Variants in SORCS3 observed in about 807,000 individuals in gnomAD.
The protein encoded by SORCS3 is VPS10 domain-containing receptor SorCS3.
A neutral mutation model predicts 146.3 loss-of-function variants in SORCS3; 57 were observed. The observed-to-expected ratio is 0.39, with a 90% CI of 0.31 to 0.49. The LOEUF is 0.49. SORCS3 is among the 20% of genes least tolerant of loss of function. SORCS3 has a pLI of 0.92. For synonymous variants in SORCS3, 653 were observed against 618.5 expected (o/e 1.06, Z -0.83); for missense variants, 1,341 against 1,575.5 (o/e 0.85, Z 2.52).
intron 5 of SORCS3, among the ~76,000 whole-genome samples, chr10:105,068,720 A>G (rs1161421060): frequency 6.6e-6 from 1 of 152,228 alleles, no homozygotes; most frequent in Non-Finnish European, 1.5e-5. Context: ...TTGATGAGTT[A>G]TCACCCTCAT....
intron 1 of SORCS3, among the ~76,000 whole-genome samples, chr10:104,819,817 A>G (rs923022205): frequency 2.0e-5 from 3 of 152,210 alleles, no homozygotes; most frequent in Admixed American, 6.5e-5. Flanking sequence ...AACAGCTGAG[A>G]TGTGGAACTC....
chr10:104,696,376 A>G (rs768088401), intron 1 of SORCS3, among the ~76,000 whole-genome samples: 3 of 78,230 alleles, frequency 3.8e-5, no homozygotes, highest in African/African-American at 1.5e-4. Flanking sequence ...TATAGTATAT[A>G]ATATATATTA....
chr10:105,031,878 A>G (rs1291958666), intron 4 of SORCS3, among the ~76,000 whole-genome samples: 2 of 152,116 alleles, frequency 1.3e-5, no homozygotes, highest in Non-Finnish European at 2.9e-5. Flanking sequence ...CTTTCTCAAC[A>G]ATTCAGGTTG....
At chr10:104,858,838 G>A (rs1460058497) in intron 2 of SORCS3, among the ~76,000 whole-genome samples, 3 of 150,698 alleles carry the variant, frequency 2.0e-5, no homozygotes, top group East Asian at 3.9e-4. Flanking sequence ...AGCCAGGATG[G>A]TCTTGATCTC....
chr10:104,709,206 G>A (rs529153270), intron 1 of SORCS3, among the ~76,000 whole-genome samples: 1 of 152,280 alleles, frequency 6.6e-6, no homozygotes, highest in African/African-American at 2.4e-5. Flanking sequence ...GAAATAGTGA[G>A]GTAGAGGGGG....
At chr10:105,071,647 A>G (rs963349977) in intron 5 of SORCS3, among the ~76,000 whole-genome samples, 1 of 152,236 alleles carries the variant, frequency 6.6e-6, no homozygotes, top group South Asian at 2.1e-4. Context: ...CGATCCCGTC[A>G]AGCATTTATC....
chr10:105,184,249 C>G (rs1458119404), intron 14 of SORCS3, among the ~76,000 whole-genome samples: 1 of 152,196 alleles, frequency 6.6e-6, no homozygotes, highest in African/African-American at 2.4e-5. Flanking sequence ...CAGCCATAGA[C>G]AGTATGGAGA....
chr10:105,072,657 CTCTTTTTTTTTTTTTT>C (rs1316776322), intron 5 of SORCS3, among the ~76,000 whole-genome samples: 3 of 110,406 alleles, frequency 2.7e-5, no homozygotes, highest in Non-Finnish European at 5.4e-5. Context: ...TTCTCTCTCT[CTCTTTTTTTTTTTTTT>C]TTTTTTTTTT....
Position 104,992,829 on chromosome 10 carries a change from T to A in SORCS3, c.954+15336T>A, listed in dbSNP as rs371889993. Among the ~76,000 whole-genome samples the A allele has an allele frequency of 2.1e-3, 321 of 152,268 alleles. 2 individuals are homozygous for A. The highest frequency in any genetic ancestry group is 7.5e-3 in the African/African-American group (311 of 41,570). ...GCTTTGCCTAGACAGACTTTACCTA[T>A]GAAACCCTAACTAATCTAGGTTTTT... On this transcript the variant is annotated intron_variant, in intron 4 of 26. Transcript: ENST00000369701.
At chr10:104,645,357 A>G (rs1005413999) in intron 1 of SORCS3, among the ~76,000 whole-genome samples, 3 of 152,342 alleles carry the variant, frequency 2.0e-5, no homozygotes, top group Middle Eastern at 6.8e-3. Flanking sequence ...AAATGAAAGA[A>G]GAAGCCTCCC....
chr10:105,085,020 G>A (rs1197699655), intron 5 of SORCS3, among the ~76,000 whole-genome samples: 1 of 152,102 alleles, frequency 6.6e-6, no homozygotes, highest in East Asian at 1.9e-4. Flanking sequence ...GTGAGCCACC[G>A]CGCCCGGCCA....
intron 20 of SORCS3, among the ~76,000 whole-genome samples, chr10:105,226,638 T>C (rs935564771): frequency 2.0e-5 from 3 of 151,980 alleles, no homozygotes; most frequent in African/African-American, 7.2e-5. Flanking sequence ...TTGATATTAG[T>C]TCATCTTTGA....
intron 1 of SORCS3, among the ~76,000 whole-genome samples, chr10:104,643,709 GGTGTGTGTGTGTGT>G (rs3069967): frequency 5.5e-5 from 8 of 144,734 alleles, no homozygotes; most frequent in South Asian, 2.3e-4. Context: ...TGATAATTAG[GGTGTGTGTGTGTGT>G]GTGTGTGTGT....
intron 3 of SORCS3, among the ~76,000 whole-genome samples, chr10:104,936,074 T>A (rs1460309157): frequency 6.7e-6 from 1 of 149,652 alleles, no homozygotes; most frequent in East Asian, 1.9e-4. Flanking sequence ...TGACATTGCT[T>A]TGCAAAAGCA....
chr10:104,697,755 G>A (rs2016233442), intron 1 of SORCS3, among the ~76,000 whole-genome samples: 1 of 152,136 alleles, frequency 6.6e-6, no homozygotes, highest in African/African-American at 2.4e-5. Context: ...GGCCGGTGCT[G>A]AGCCTCCAAC....
At chr10:104,689,775 G>A (rs1350820496) in intron 1 of SORCS3, among the ~76,000 whole-genome samples, 1 of 152,124 alleles carries the variant, frequency 6.6e-6, no homozygotes, top group Non-Finnish European at 1.5e-5. Context: ...GCCATTTGCT[G>A]ATGGGCTGGA....
intron 2 of SORCS3, among the ~76,000 whole-genome samples, chr10:104,891,398 C>T (rs76030799): frequency 0.012 from 1,774 of 152,210 alleles, 41 homozygotes; most frequent in African/African-American, 0.04. Context: ...TGCAGCTGTC[C>T]GTTTTTCAGT....
chr10:105,167,453 C>T (rs1452970343), intron 13 of SORCS3, 104 bp downstream of exon 13: 3 of 778,684 alleles, frequency 3.9e-6, no homozygotes, highest in Non-Finnish European at 4.2e-6. Flanking sequence ...TTGTACATTT[C>T]CTCATCCATT....
intron 1 of SORCS3, among the ~76,000 whole-genome samples, chr10:104,784,474 C>A (rs1295301833): frequency 6.6e-6 from 1 of 152,208 alleles, no homozygotes; most frequent in Non-Finnish European, 1.5e-5. Flanking sequence ...TTTGTAACAG[C>A]CCTTCAAAAT....
Sources: gnomAD v4.1 joint callset for allele counts (sites outside exome capture counted in the v4.1 genomes callset) on GRCh38, gnomAD v4.1.1 for gene constraint, MANE v1.5 for transcripts, NCBI Gene and HGNC (gene_info 2026-07-23, HGNC 2026-07-21) for gene names.